The following XPO5 variants were observed in gnomAD, a reference collection of about 807,000 sequenced individuals.
XPO5 encodes exportin 5.
XPO5 carries 46 observed loss-of-function variants against 160.6 expected under a neutral mutation model. The ratio of observed to expected loss-of-function variants is 0.29; its 90% confidence interval spans 0.23 to 0.37. The LOEUF (loss-of-function observed/expected upper bound fraction) is 0.37. Ranked by LOEUF, XPO5 falls within the 10% of genes least tolerant of loss-of-function variation. The pLI, the probability that XPO5 is intolerant of heterozygous loss-of-function variation, is 1.00. For missense variants in XPO5, 1,090 were observed against 1,463.9 expected (o/e 0.74, Z 4.17); for synonymous variants, 537 against 519.3 (o/e 1.03, Z -0.46).
At chr6:43,566,058 A>G (rs1762679871) in intron 7 of XPO5, among the ~76,000 whole-genome samples, 1 of 152,140 alleles carries the variant, frequency 6.6e-6, no homozygotes, top group Non-Finnish European at 1.5e-5. Flanking sequence ...GGAGTTCGAG[A>G]CCAGCCTGGT....
At chr6:43,537,436 G>A (rs574506464) in intron 20 of XPO5, among the ~76,000 whole-genome samples, 1 of 152,136 alleles carries the variant, frequency 6.6e-6, no homozygotes, top group South Asian at 2.1e-4. Context: ...CTAGACCAGA[G>A]GTCACATTCA....
chr6:43,529,792 G>A (rs760578295), intron 23 of XPO5, among the ~76,000 whole-genome samples: 3 of 150,954 alleles, frequency 2.0e-5, no homozygotes, highest in Admixed American at 6.6e-5. Flanking sequence ...GTGGTGGTGC[G>A]CATCTGTGGT....
chr6:43,530,786 T>G lies in XPO5; in HGVS notation c.2579A>C (p.Gln860Pro), dbSNP rs1042777782. The change falls in exon 23 of 32, where the codon CAA becomes CCA. Residue 860 changes from glutamine to proline, a missense_variant. Transcript: ENST00000265351. ...ILGKAGPSMQ[Q>P]DFYTVEDLAT... ...AAGGTCCTCCACAGTATAGAAGTCT[T>G]GCTGCATGGAAGGGCCTGCCTTCCC... 2 of 1,613,580 alleles carry G rather than the reference T, an allele frequency of 1.2e-6. No homozygotes were observed. The highest frequency in any genetic ancestry group is 2.7e-5 in the African/African-American group (2 of 74,886).
At chr6:43,527,775 G>A (rs981739733) in intron 25 of XPO5, 44 bp from the exon 26 acceptor site, 1 of 1,602,788 alleles carries the variant, frequency 6.2e-7, no homozygotes, top group Non-Finnish European at 8.5e-7. Context: ...GTGCAGAAAA[G>A]GAAGGACAAG....
intron 1 of XPO5, 89 bp downstream of exon 1, chr6:43,575,671 G>T: frequency 8.2e-7 from 1 of 1,219,180 alleles, no homozygotes; most frequent in Non-Finnish European, 1.2e-6. Flanking sequence ...CGCGTGGGCG[G>T]GAGACTACCC....
chr6:43,574,353 C>G (rs1763178390), intron 1 of XPO5, among the ~76,000 whole-genome samples: 1 of 151,534 alleles, frequency 6.6e-6, no homozygotes, highest in Non-Finnish European at 1.5e-5. Flanking sequence ...AAACCTAGAT[C>G]AATATTATGT....
At chr6:43,529,378 T>TTA (rs1793807503) in intron 23 of XPO5, 2 of 121,834 alleles carry the variant, frequency 1.6e-5, no homozygotes, top group Non-Finnish European at 3.0e-5. Context: ...CCGTCTCTAC[T>TTA]AAAAAAAAAA....
At chr6:43,563,059 A>T (rs879873394) in intron 8 of XPO5, among the ~76,000 whole-genome samples, 3 of 152,108 alleles carry the variant, frequency 2.0e-5, no homozygotes, top group Non-Finnish European at 4.4e-5. Context: ...AACAGATTCA[A>T]CTACTTATAA....
chr6:43,523,468 C>T lies in XPO5; in HGVS notation c.*400G>A, dbSNP rs1168331959. 1.4e-5 allele frequency: 5 copies of T among 358,228 alleles called. No homozygotes were observed. The highest frequency in any genetic ancestry group is 2.7e-5 in the Non-Finnish European group (5 of 181,844). 22.2% of individuals were successfully genotyped at this position (358,228 alleles called of 1,614,324 possible). ...AAACTCTGGCACAAGTAGTTGAGGG[C>T]TGTGCTCTTGCTGCGAGCCTTGCTA... is the stretch of plus-strand genomic sequence containing the variant. On this transcript the variant is annotated 3_prime_UTR_variant, in exon 32 of 32. Coordinates refer to ENST00000265351, the MANE Select transcript of XPO5 (RefSeq NM_020750.3).
chr6:43,571,962 T>C (rs1337777817), intron 3 of XPO5, among the ~76,000 whole-genome samples: 1 of 152,250 alleles, frequency 6.6e-6, no homozygotes, highest in Non-Finnish European at 1.5e-5. Flanking sequence ...TATTGATTTG[T>C]TGAAAATATT....
At chr6:43,531,706 T>C (rs1793990925) in intron 21 of XPO5, 131 bp from the exon 22 acceptor site, 1 of 760,402 alleles carries the variant, frequency 1.3e-6, no homozygotes, top group Non-Finnish European at 2.3e-6. Context: ...TGCAAAGCAG[T>C]TGGCTACGTG....
In XPO5 at chr6:43,530,705, C is replaced by T. The variant is rs1038576805; in HGVS notation, c.2660G>A (p.Arg887Gln). Residue 887 changes from arginine to glutamine, a missense_variant, in exon 23 of 32, where the codon CGA becomes CAA. Around this residue, in one of 3 missense-constraint regions of XPO5, gnomAD observed 810 missense variants for 1,139.0 expected, o/e 0.71. Coordinates refer to ENST00000265351, the MANE Select transcript of XPO5 (RefSeq NM_020750.3). ...FVNLNNIPDYRLRPMLRVFVK... is the reference protein window; with the variant it reads ...FVNLNNIPDYQLRPMLRVFVK... ...AAGGATATGAAGCATGGGTCTGAGT[C>T]GGTAGTCAGGAATATTGTTCAAGTT... 2.5e-6 allele frequency: 4 copies of T among 1,613,834 alleles called. No individual in the cohort carries two copies. Among genetic ancestry groups the T allele is most frequent in the African/African-American group, 1.3e-5 (1 of 74,988 alleles).
At chr6:43,531,805 T>C (rs982094937) in intron 21 of XPO5, among the ~76,000 whole-genome samples, 8 of 152,168 alleles carry the variant, frequency 5.3e-5, no homozygotes, top group African/African-American at 1.9e-4. Flanking sequence ...TGCTTTTTTT[T>C]TTCCCCCAGA....
chr6:43,532,680 C>G (rs1794055411), intron 21 of XPO5, among the ~76,000 whole-genome samples: 1 of 152,230 alleles, frequency 6.6e-6, no homozygotes, highest in African/African-American at 2.4e-5. Context: ...TCCTTCAAGT[C>G]CCCATTGGGA....
intron 28 of XPO5, 30 bp from the exon 29 acceptor site, chr6:43,525,244 G>T: frequency 6.5e-7 from 1 of 1,546,628 alleles, no homozygotes; most frequent in South Asian, 1.2e-5. Context: ...GAGTTACAAT[G>T]GAAAAAGAAG....
chr6:43,533,929 G>A lies in XPO5; in HGVS notation c.2421C>T (p.Asp807=), dbSNP rs763541168. 18 of 1,604,878 alleles carry A rather than the reference G, an allele frequency of 1.1e-5. No individual in the cohort carries two copies. Among genetic ancestry groups the A allele is most frequent in the Admixed American group, 5.0e-5 (3 of 59,698 alleles). The part of the protein sequence containing the change: ...EPFTKALDML[D]AEKSAILGLP... ...TACCTAATATAGCAGATTTTTCCGCGTCAAGCATATCCAGAGCCTTGGTGA... is the reference window on the plus strand; with the variant it reads ...TACCTAATATAGCAGATTTTTCCGCATCAAGCATATCCAGAGCCTTGGTGA... Residue 807 remains aspartate (D), a synonymous_variant, in exon 21 of 32, where the codon GAC becomes GAT. Transcript: ENST00000265351.
In XPO5 at chr6:43,528,880, T is replaced by C. The variant is rs373330630; in HGVS notation, c.2723A>G (p.Tyr908Cys). ...GAGGATGGGGGATACCAGGGCTTCA[T>C]AGTGCTCTGGGGGACAGAAGAGCAC... ...PLVLFCPPEH[Y>C]EALVSPILGP... Residue 908 changes from tyrosine to cysteine, a missense_variant, in exon 24 of 32, where the codon TAT becomes TGT. Coordinates refer to ENST00000265351, the MANE Select transcript of XPO5 (RefSeq NM_020750.3). The C allele has an allele frequency of 5.6e-6, 9 of 1,613,810 alleles. No homozygotes were observed. The East Asian group carries it at 6.7e-5, about 12-fold the overall frequency.
At chr6:43,533,409 T>C (rs1246334738) in intron 21 of XPO5, 1 of 152,444 alleles carries the variant, frequency 6.6e-6, no homozygotes, top group African/African-American at 2.4e-5. Flanking sequence ...TTCGATTTTC[T>C]CTGTATGCTA....
chr6:43,525,274 T>G (rs918134499), intron 28 of XPO5, 60 bp from the exon 29 acceptor site: 92 of 1,489,624 alleles, frequency 6.2e-5, no homozygotes, highest in African/African-American at 1.4e-4. Context: ...CTCTGATGAT[T>G]ATTACACATC....
Sources: allele counts gnomAD v4.1 joint callset (sites outside exome capture counted in the v4.1 genomes callset), GRCh38; gene constraint gnomAD v4.1.1; regional missense constraint gnomAD v4.1.1; transcripts MANE v1.5; gene names NCBI Gene and HGNC (gene_info 2026-07-23, HGNC 2026-07-21).